ANKFN1: variants seen among roughly 807,000 people sequenced by gnomAD.
The protein encoded by ANKFN1 is ankyrin repeat and fibronectin type-III domain-containing protein 1.
ANKFN1 carries 74 observed loss-of-function variants against 108.7 expected under a neutral mutation model. That is an observed-to-expected ratio of 0.68 (90% CI 0.56 to 0.83). ANKFN1 has a LOEUF of 0.83. Ranked by LOEUF, ANKFN1 falls within the 40% of genes least tolerant of loss-of-function variation. The pLI is 0.00. For missense variants in ANKFN1, 1,505 were observed against 1,382.3 expected (o/e 1.09, Z -1.41); for synonymous variants, 547 against 516.2 (o/e 1.06, Z -0.81).
intron 7 of ANKFN1, among the ~76,000 whole-genome samples, chr17:56,373,763 C>T (rs2046874515): frequency 6.6e-6 from 1 of 152,238 alleles, no homozygotes; most frequent in Non-Finnish European, 1.5e-5. Flanking sequence ...AAGGCTGGTG[C>T]ATGGGTTTGT....
At chr17:56,471,587 A>G (rs2050317859) in intron 15 of ANKFN1, 1 of 152,210 alleles carries the variant, frequency 6.6e-6, no homozygotes, top group South Asian at 2.1e-4. Context: ...AAACTTGTTC[A>G]CCAATGTTCA....
chr17:56,058,618 GT>G (rs1429623080), intron 4 of ANKFN1, among the ~76,000 whole-genome samples: 2 of 65,980 alleles, frequency 3.0e-5, no homozygotes, highest in African/African-American at 1.7e-4. Context: ...CCTGCTGTGT[GT>G]TGTTCCGCTC....
At chr17:56,411,582 G>A (rs2048090836) in intron 8 of ANKFN1, among the ~76,000 whole-genome samples, 1 of 152,144 alleles carries the variant, frequency 6.6e-6, no homozygotes, top group Admixed American at 6.5e-5. Flanking sequence ...TAGAGAAAAA[G>A]CTTTCAACTT....
intron 4 of ANKFN1, among the ~76,000 whole-genome samples, chr17:56,070,972 G>A (rs1200152319): frequency 6.7e-6 from 1 of 150,050 alleles, no homozygotes; most frequent in Non-Finnish European, 1.5e-5. Flanking sequence ...TCGACCTCAT[G>A]ATCTGCCCAC....
chr17:56,401,361 GTATTGTA>G (rs2047757777), intron 8 of ANKFN1, among the ~76,000 whole-genome samples: 2 of 89,664 alleles, frequency 2.2e-5, no homozygotes, highest in Non-Finnish European at 4.8e-5. Context: ...GTATTGTATT[GTATTGTA>G]TTGTGTTGTG....
chr17:56,420,826 GCCT>G (rs2048383099), intron 8 of ANKFN1, among the ~76,000 whole-genome samples: 1 of 151,704 alleles, frequency 6.6e-6, no homozygotes, highest in African/African-American at 2.4e-5. Flanking sequence ...TCCTGCCTCA[GCCT>G]CCCAAGTAGC....
intron 8 of ANKFN1, among the ~76,000 whole-genome samples, chr17:56,410,987 T>A (rs564667555): frequency 6.6e-6 from 1 of 152,334 alleles, no homozygotes; most frequent in South Asian, 2.1e-4. Flanking sequence ...TTGATTATTT[T>A]GAGGTCTTTG....
At chr17:56,445,647 C>T (rs2049262205) in intron 10 of ANKFN1, among the ~76,000 whole-genome samples, 1 of 152,124 alleles carries the variant, frequency 6.6e-6, no homozygotes, top group Non-Finnish European at 1.5e-5. Flanking sequence ...CAGATATTTA[C>T]TAGAGGACAA....
chr17:56,148,094 G>A (rs746278636), intron 4 of ANKFN1, among the ~76,000 whole-genome samples: 1 of 152,182 alleles, frequency 6.6e-6, no homozygotes, highest in Non-Finnish European at 1.5e-5. Context: ...AACCAAGTCT[G>A]TCTAACTCAA....
rs535475358 is a variant in ANKFN1, at chr17:56,507,172, A to G, written c.2645-3301A>G. Among the ~76,000 whole-genome samples, 6 of 152,258 alleles carry G rather than the reference A, an allele frequency of 3.9e-5. No individual in the cohort carries two copies. In the South Asian group the frequency reaches 1.2e-3, roughly 32 times the overall value. On this transcript the variant is annotated intron_variant, in intron 20 of 20. Coordinates refer to ENST00000682825, the MANE Select transcript of ANKFN1 (RefSeq NM_001370326.1). ...TTATGTTCTCTTCTTCCTCACTCTTAAGGCACCTGCCCCTGCTATCATCAA... is the reference window on the plus strand; with the variant it reads ...TTATGTTCTCTTCTTCCTCACTCTTGAGGCACCTGCCCCTGCTATCATCAA...
At chr17:56,165,430 G>A (rs549217942) in intron 1 of ANKFN1, among the ~76,000 whole-genome samples, 2 of 152,230 alleles carry the variant, frequency 1.3e-5, no homozygotes, top group South Asian at 2.1e-4. Context: ...TATGCTTTAT[G>A]TCTCATTTCC....
rs1157985294 is a variant in ANKFN1 at position 56,466,567 on chromosome 17, T to A, written c.1769T>A (p.Ile590Asn). ...GCTTTAGACATTCTACTGATAACCATCCAGGTATGTAGTTTTTTTCTTAAT... is the reference window on the plus strand; with the variant it reads ...GCTTTAGACATTCTACTGATAACCAACCAGGTATGTAGTTTTTTTCTTAAT... ...PTALDILLIT[I>N]QDILSYHKRS... is the part of the protein sequence containing the mutation. Residue 590 changes from isoleucine to asparagine, a missense_variant, in exon 15 of 21, where the codon ATC becomes AAC. Transcript: ENST00000682825. The A allele has an allele frequency of 6.2e-7, 1 of 1,604,972 alleles. No individual in the cohort carries two copies. Among genetic ancestry groups the A allele is most frequent in the Non-Finnish European group, 8.5e-7 (1 of 1,175,248 alleles).
At chr17:56,388,979 A>G (rs2047352841) in intron 8 of ANKFN1, among the ~76,000 whole-genome samples, 1 of 151,816 alleles carries the variant, frequency 6.6e-6, no homozygotes, top group Non-Finnish European at 1.5e-5. Context: ...AAAATGATAC[A>G]GCCACTCTGG....
At chr17:56,245,325 T>G (rs903858370) in intron 3 of ANKFN1, among the ~76,000 whole-genome samples, 4 of 151,830 alleles carry the variant, frequency 2.6e-5, no homozygotes, top group Admixed American at 2.6e-4. Flanking sequence ...ATTTAGAGGG[T>G]TTTTTCCTTT....
intron 1 of ANKFN1, among the ~76,000 whole-genome samples, chr17:56,188,547 GTGTGTGTGTGTGTGTA>G (rs1461669671): frequency 5.7e-4 from 32 of 56,332 alleles, no homozygotes; most frequent in African/African-American, 2.2e-3. Flanking sequence ...AGATGTATAT[GTGTGTGTGTGTGTGTA>G]TGTGTGTGTG....
intron 4 of ANKFN1, among the ~76,000 whole-genome samples, chr17:56,338,289 C>A (rs1229744967): frequency 6.6e-6 from 1 of 152,088 alleles, no homozygotes; most frequent in African/African-American, 2.4e-5. Flanking sequence ...ACATCACACA[C>A]CAGGGCCTGT....
intron 3 of ANKFN1, among the ~76,000 whole-genome samples, chr17:56,298,552 A>G (rs181422283): frequency 6.6e-5 from 10 of 152,172 alleles, no homozygotes; most frequent in Admixed American, 5.9e-4. Context: ...TTATTTACTG[A>G]CTTTCCCACC....
rs776232903 is a variant in ANKFN1, at chr17:56,353,940, C to T, written c.495C>T (p.Asn165=). The change falls in exon 6 of 21, where the codon AAC becomes AAT. Residue 165 remains asparagine (N), a synonymous_variant. Transcript: ENST00000682825. ...YQYTPEELDL[N]TPNSEGLTPL... is the part of the protein sequence containing the mutation. ...ACACACCAGAAGAACTTGACCTCAA[C>T]ACACCTAACAGCGAGGGCTTGACAC... The T allele has an allele frequency of 6.2e-6, 10 of 1,614,054 alleles. No individual in the cohort carries two copies. The highest frequency in any genetic ancestry group is 3.3e-5 in the Admixed American group (2 of 59,996).
intron 14 of ANKFN1, among the ~76,000 whole-genome samples, chr17:56,459,483 G>A (rs903261128): frequency 1.6e-4 from 24 of 152,120 alleles, no homozygotes; most frequent in Non-Finnish European, 4.4e-5. Context: ...CATGATGACT[G>A]TGCTGAATTC....
Sources: allele counts gnomAD v4.1 joint callset (sites outside exome capture counted in the v4.1 genomes callset), GRCh38; gene constraint gnomAD v4.1.1; transcripts MANE v1.5; gene names NCBI Gene and HGNC (gene_info 2026-07-23, HGNC 2026-07-21).